The following RBSN variants were observed in gnomAD, a reference collection of about 807,000 sequenced individuals.
RBSN encodes the protein rabenosyn, RAB effector, also known as rabenosyn-5.
A neutral mutation model predicts 60.5 loss-of-function variants in RBSN; 34 were observed. That is an observed-to-expected ratio of 0.56 (90% CI 0.43 to 0.75). RBSN has a LOEUF of 0.75. Ranked by LOEUF, RBSN falls within the 30% of genes least tolerant of loss-of-function variation. RBSN has a pLI of 0.00. For missense variants in RBSN, 845 were observed against 986.8 expected (o/e 0.86, Z 1.92); for synonymous variants, 322 against 366.9 (o/e 0.88, Z 1.40).
chr3:15,075,647 T>G lies in RBSN; in HGVS notation c.1165A>C (p.Arg389=), dbSNP rs528297605. Residue 389 remains arginine (R), a synonymous_variant, in exon 13 of 14, where the codon AGG becomes CGG. Transcript: ENST00000253699. The part of the protein sequence containing the change: ...KEQFEELKKK[R]KEEMERKRAV... ...CTCTTCCTCTCCATTTCCTCCTTCC[T>G]TTTCTTTTTCAGTTCCTCAAACTGT... The G allele has an allele frequency of 2.5e-5, 40 of 1,614,060 alleles. No individual in the cohort carries two copies. The highest frequency in any genetic ancestry group is 3.4e-5 in the Non-Finnish European group (40 of 1,180,026).
intron 5 of RBSN, among the ~76,000 whole-genome samples, chr3:15,089,226 G>C (rs547917535): frequency 1.3e-5 from 2 of 152,182 alleles, no homozygotes; most frequent in South Asian, 4.2e-4. Context: ...GGCACTCTGG[G>C]AGGCTGAGAT....
rs148558728 is a variant in RBSN at position 15,074,162 on chromosome 3, T to C, written c.1975A>G (p.Lys659Glu). 4 of 1,613,718 alleles carry C rather than the reference T, an allele frequency of 2.5e-6. No homozygotes were observed. The highest frequency in any genetic ancestry group is 3.4e-6 in the Non-Finnish European group (4 of 1,179,848). The change falls in exon 14 of 14, where the codon AAA becomes GAA. Residue 659 changes from lysine (K) to glutamate (E), a missense_variant. By Grantham distance (56) the Lys-to-Glu change is moderately conservative. Coordinates refer to ENST00000253699, the MANE Select transcript of RBSN (RefSeq NM_022340.4). The surrounding 1 kb of genome is among the most constrained non-coding windows in gnomAD (Gnocchi z 6.4). ...TCTTCCTCGAAAGGATTGTACTCTT[T>C]CAGGATGCGGGCTGAAGGGTCTAAG... Reference protein sequence around the residue: ...VSLDPSARILKEYNPFEEEDE... With the variant: ...VSLDPSARILEEYNPFEEEDE...
Position 15,074,133 on chromosome 3 carries a change from G to A in RBSN, c.2004C>T (p.Asp668=), listed in dbSNP as rs966960752. Residue 668 remains aspartate, a synonymous_variant, in exon 14 of 14, where the codon GAC becomes GAT. Transcript: ENST00000253699. This position sits in a 1 kb window ranked among gnomAD's most constrained non-coding sequence, Gnocchi z 6.4. ...TCCCTGCCACTGCTTCCTCCTCCTC[G>A]TCCTCTTCCTCGAAAGGATTGTACT... ...LKEYNPFEEE[D]EEEEAVAGNP... The A allele has an allele frequency of 3.7e-6, 6 of 1,613,742 alleles. No homozygotes were observed. The highest frequency in any genetic ancestry group is 1.3e-5 in the African/African-American group (1 of 74,800).
chr3:15,082,517 G>T lies in RBSN; in HGVS notation c.690C>A (p.Ser230Arg). The T allele has an allele frequency of 6.2e-7, 1 of 1,614,162 alleles. No homozygotes were observed. Residue 230 changes from serine to arginine, a missense_variant, in exon 9 of 14, where the codon AGC becomes AGA. By Grantham distance (110) the Ser-to-Arg change is moderately radical. Transcript: ENST00000253699. The surrounding 1 kb of genome is among the most constrained non-coding windows in gnomAD (Gnocchi z 4.2). ...AGCTGACACTGCTCATGCTGCTGATGCTGCCTCGGCGGGAGCCATGGACAC... is the reference window on the plus strand; with the variant it reads ...AGCTGACACTGCTCATGCTGCTGATTCTGCCTCGGCGGGAGCCATGGACAC... ...PNSVHGSRRG[S>R]ISSMSSVSSV...
At chr3:15,075,355 G>A (rs1265551537) in intron 13 of RBSN, 3 of 651,726 alleles carry the variant, frequency 4.6e-6, no homozygotes, top group South Asian at 4.5e-5. Context: ...AGGGAGAACT[G>A]TCAATCTCTG....
At chr3:15,089,252 G>A (rs2043430121) in intron 5 of RBSN, among the ~76,000 whole-genome samples, 1 of 151,910 alleles carries the variant, frequency 6.6e-6, no homozygotes, top group African/African-American at 2.4e-5. Flanking sequence ...GATCACTTGA[G>A]CCCAGGAGTT....
At chr3:15,078,391 A>G (rs1168303989) in intron 10 of RBSN, among the ~76,000 whole-genome samples, 1 of 152,154 alleles carries the variant, frequency 6.6e-6, no homozygotes, top group African/African-American at 2.4e-5. Context: ...CAAGGCCTCC[A>G]AGGACTAGCC....
At chr3:15,086,217 C>A in intron 5 of RBSN, 1 of 387,152 alleles carries the variant, frequency 2.6e-6, no homozygotes, top group Admixed American at 4.0e-5. Context: ...GAGCTATGAT[C>A]CCACCACTGT....
Position 15,073,718 on chromosome 3 carries a change from C to T in RBSN, c.*64G>A. 1.3e-6 allele frequency: 2 copies of T among 1,523,972 alleles called. No homozygotes were observed. Among genetic ancestry groups the T allele is most frequent in the East Asian group, 2.3e-5 (1 of 44,302 alleles). The allele number at this position is 1,523,972 out of a possible 1,614,324, so 94.4% of individuals were successfully genotyped here. Reference sequence around the variant, plus strand: ...ACCTTCCCCATCCATCCTGCCTGCCCTCTGTCCTGCTCCACTGGCTCCTGC... The same window carrying T: ...ACCTTCCCCATCCATCCTGCCTGCCTTCTGTCCTGCTCCACTGGCTCCTGC... On this transcript the variant is annotated 3_prime_UTR_variant, in exon 14 of 14. Transcript: ENST00000253699.
intron 4 of RBSN, chr3:15,091,210 CAAAAAAA>C (rs55655564): frequency 0.016 from 1,841 of 115,894 alleles, 36 homozygotes; most frequent in African/African-American, 0.069. Context: ...GACCCTGTCT[CAAAAAAA>C]AAAAAAAAAA....
rs1214866308 is a variant in RBSN, at chr3:15,070,760, C to T, written c.*3022G>A. 3 of 152,536 alleles carry T rather than the reference C, an allele frequency of 2.0e-5. No homozygotes were observed. Among genetic ancestry groups the T allele is most frequent in the African/African-American group, 7.2e-5 (3 of 41,408 alleles). The allele number at this position is 152,536 out of a possible 1,614,324, so 9.4% of individuals were successfully genotyped here. ...TGGAAGAATTCATAGAAGAATACAG[C>T]CATGGATAAACTTAATCAAAAGAAT... On this transcript the variant is annotated 3_prime_UTR_variant, in exon 14 of 14. Coordinates refer to ENST00000253699, the MANE Select transcript of RBSN (RefSeq NM_022340.4).
intron 5 of RBSN, among the ~76,000 whole-genome samples, chr3:15,088,100 T>A (rs987615341): frequency 1.4e-4 from 22 of 152,230 alleles, no homozygotes; most frequent in African/African-American, 5.1e-4. Flanking sequence ...AATCAGAAAA[T>A]CACCCTAGTA....
rs1436664788 is a variant in RBSN, at chr3:15,074,500, G to A, written c.1637C>T (p.Thr546Ile). 1 of 1,614,222 alleles carries A rather than the reference G, an allele frequency of 6.2e-7. No individual in the cohort carries two copies. Among genetic ancestry groups the A allele is most frequent in the Non-Finnish European group, 8.5e-7 (1 of 1,180,038 alleles). ...GATTTCTCTGAAGTCCAGGGACCGA[G>A]TCCGTGTGTGCAGGGATGCCACCCG... Reference protein sequence around the residue: ...QFRVASLHTRTRSLDFREIGP... With the variant: ...QFRVASLHTRIRSLDFREIGP... Residue 546 changes from threonine (T) to isoleucine (I), a missense_variant, in exon 14 of 14, where the codon ACT becomes ATT. Thr to Ile is a moderately conservative substitution (Grantham distance 89). Transcript: ENST00000253699. The surrounding 1 kb of genome is among the most constrained non-coding windows in gnomAD (Gnocchi z 6.4).
Position 15,095,987 on chromosome 3 carries a change from T to C in RBSN, c.134A>G (p.Lys45Arg). 6.2e-7 allele frequency: 1 copy of C among 1,614,200 alleles called. No homozygotes were observed. Among genetic ancestry groups the C allele is most frequent in the Non-Finnish European group, 8.5e-7 (1 of 1,180,034 alleles). ...TCGCCTCTTACTTTTAATTTGCCCTTTGACATCACGGTCTTCCCCTGAGTG... is the reference window on the plus strand; with the variant it reads ...TCGCCTCTTACTTTTAATTTGCCCTCTGACATCACGGTCTTCCCCTGAGTG... ...EEHSGEDRDV[K>R]GQIKSLVQKA... Residue 45 changes from lysine to arginine, a missense_variant, in exon 4 of 14, where the codon AAA (lysine) becomes AGA (arginine). Coordinates refer to ENST00000253699, the MANE Select transcript of RBSN (RefSeq NM_022340.4).
At chr3:15,091,632 G>T in intron 4 of RBSN, 1 of 479,384 alleles carries the variant, frequency 2.1e-6, no homozygotes, top group Non-Finnish European at 3.1e-6. Context: ...AATGTTATAA[G>T]GCAGGTGATA....
Position 15,096,130 on chromosome 3 carries a change from G to A in RBSN, c.-10C>T, listed in dbSNP as rs17040739. 1,587 of 1,556,690 alleles carry A rather than the reference G, an allele frequency of 1.0e-3. 11 individuals are homozygous for A. In the African/African-American group the frequency reaches 0.019, roughly 18 times the overall value. ...CGTCCAGAGAAGCCATGGCAGTGCC[G>A]CTCTCAACCCTAGGAAGGCAGGAAT... is the stretch of plus-strand genomic sequence containing the variant. On this transcript the variant is annotated 5_prime_UTR_variant, in exon 4 of 14. Coordinates refer to ENST00000253699, the MANE Select transcript of RBSN (RefSeq NM_022340.4).
chr3:15,081,026 T>A, intron 9 of RBSN: 1 of 512,164 alleles, frequency 2.0e-6, no homozygotes, highest in Non-Finnish European at 3.5e-6. Context: ...CGTTTTGTTT[T>A]TTTTTGAGAA....
At chr3:15,095,877 T>A in intron 4 of RBSN, 96 bp downstream of exon 4, 1 of 1,534,678 alleles carries the variant, frequency 6.5e-7, no homozygotes, top group Non-Finnish European at 9.0e-7. Context: ...ACTACTATTA[T>A]CATATTCCTG....
At position 15,092,392 on chromosome 3, in the gene RBSN, G is replaced by GT. The variant is rs1000205124; in HGVS notation, c.149-1854dup. 2.2e-4 allele frequency among the ~76,000 whole-genome samples: 34 copies of GT among 151,210 alleles called. 4 individuals carry two copies. The highest frequency in any genetic ancestry group is 3.2e-4 in the African/African-American group (13 of 41,104). On this transcript the variant is annotated intron_variant, in intron 4 of 13. Transcript: ENST00000253699. ...CATCCTTTAAAATGCACTAAAGTGG[G>GT]TTTTTTTTGTTTGTTTGTTTGTTTT...
Sources: gnomAD v4.1 joint callset for allele counts (sites outside exome capture counted in the v4.1 genomes callset) on GRCh38, gnomAD v4.1.1 for gene constraint, Gnocchi (gnomAD v3.1) non-coding constraint, MANE v1.5 for transcripts, NCBI Gene and HGNC (gene_info 2026-07-23, HGNC 2026-07-21) for gene names.